The following PCDH15 variants were observed in gnomAD, a reference collection of about 807,000 sequenced individuals.
The protein encoded by PCDH15 is protocadherin related 15.
In PCDH15, 129 loss-of-function variants were observed where a neutral mutation model predicts 178.5. The ratio of observed to expected loss-of-function variants is 0.72; its 90% CI spans 0.63 to 0.84. The LOEUF (loss-of-function observed/expected upper bound fraction) is 0.84, where lower values mean the gene tolerates loss of function less well. Ranked by LOEUF, PCDH15 falls within the 40% of genes least tolerant of loss-of-function variation. The pLI, the probability that PCDH15 is intolerant of heterozygous loss-of-function variation, is 0.00. For missense variants in PCDH15, 2,230 were observed against 2,099.9 expected (o/e 1.06, Z -1.21); for synonymous variants, 800 against 732.0 (o/e 1.09, Z -1.50).
intron 1 of PCDH15, among the ~76,000 whole-genome samples, chr10:55,315,414 T>A (rs975833961): frequency 2.6e-5 from 4 of 152,196 alleles, no homozygotes; most frequent in Non-Finnish European, 5.9e-5. Flanking sequence ...CAAAACCTTA[T>A]TGAAAAATAT....
At chr10:55,617,304 TA>T (rs1313579019) in intron 2 of PCDH15, among the ~76,000 whole-genome samples, 1 of 152,036 alleles carries the variant, frequency 6.6e-6, no homozygotes, top group Non-Finnish European at 1.5e-5. Context: ...GGTTAAGACT[TA>T]ACACTACAGA....
intron 2 of PCDH15, among the ~76,000 whole-genome samples, chr10:55,604,955 G>C (rs1029347925): frequency 4.0e-5 from 6 of 151,640 alleles, no homozygotes; most frequent in African/African-American, 1.2e-4. Context: ...ATGAATCCAG[G>C]AGCTGGTTTT....
intron 1 of PCDH15, among the ~76,000 whole-genome samples, chr10:54,734,404 C>G (rs1943807594): frequency 6.6e-6 from 1 of 151,862 alleles, no homozygotes; most frequent in South Asian, 2.1e-4. Context: ...CCTTGTTACA[C>G]TAAATACCAG....
chr10:54,275,485 T>C (rs1442576264), intron 8 of PCDH15, among the ~76,000 whole-genome samples: 4 of 151,866 alleles, frequency 2.6e-5, no homozygotes. Context: ...GATATGCCAA[T>C]TCTCTGGACT....
At chr10:53,870,061 C>T (rs960956722) in intron 26 of PCDH15, among the ~76,000 whole-genome samples, 1 of 152,130 alleles carries the variant, frequency 6.6e-6, no homozygotes, top group African/African-American at 2.4e-5. Context: ...ATAAAATCAC[C>T]ACAGTGATTG....
intron 2 of PCDH15, among the ~76,000 whole-genome samples, chr10:55,400,864 A>G (rs1412941805): frequency 6.6e-6 from 1 of 152,054 alleles, no homozygotes; most frequent in Non-Finnish European, 1.5e-5. Context: ...CATGTGCACT[A>G]TGATTTCTTC....
intron 1 of PCDH15, among the ~76,000 whole-genome samples, chr10:54,793,125 A>G (rs1434582050): frequency 2.0e-5 from 3 of 151,830 alleles, no homozygotes; most frequent in Admixed American, 6.6e-5. Flanking sequence ...GGCTCAGGGG[A>G]ACTGAACCTT....
chr10:55,585,325 C>T (rs1286052632), intron 2 of PCDH15, among the ~76,000 whole-genome samples: 1 of 152,098 alleles, frequency 6.6e-6, no homozygotes, highest in Non-Finnish European at 1.5e-5. Flanking sequence ...AGATTCAGAA[C>T]ACTATAAACA....
At chr10:53,880,007 T>C (rs1177203074) in intron 26 of PCDH15, among the ~76,000 whole-genome samples, 1 of 152,216 alleles carries the variant, frequency 6.6e-6, no homozygotes, top group East Asian at 1.9e-4. Flanking sequence ...TAAATCCTGT[T>C]TGTAATTTCT....
chr10:53,949,238 C>T (rs1564839210), intron 23 of PCDH15, among the ~76,000 whole-genome samples: 1 of 152,124 alleles, frequency 6.6e-6, no homozygotes, highest in African/African-American at 2.4e-5. Context: ...ATGGGCGAAA[C>T]CTATTATGTT....
intron 13 of PCDH15, among the ~76,000 whole-genome samples, chr10:54,159,178 G>A (rs2045464510): frequency 6.6e-6 from 1 of 150,694 alleles, no homozygotes; most frequent in African/African-American, 2.4e-5. Context: ...TGATGTTTTT[G>A]CCTCTTGGGC....
At chr10:54,543,755 A>G (rs2133034110) in intron 2 of PCDH15, among the ~76,000 whole-genome samples, 1 of 152,212 alleles carries the variant, frequency 6.6e-6, no homozygotes, top group South Asian at 2.1e-4. Flanking sequence ...GGCTGTTGAA[A>G]CTGCCTATTC....
chr10:55,499,671 C>A (rs574399540), intron 2 of PCDH15, among the ~76,000 whole-genome samples: 1 of 151,290 alleles, frequency 6.6e-6, no homozygotes, highest in Non-Finnish European at 1.5e-5. Context: ...GGAAAGTAGC[C>A]TAAAAAAAAT....
chr10:54,406,073 T>G (rs2135548575), intron 3 of PCDH15, among the ~76,000 whole-genome samples: 1 of 152,202 alleles, frequency 6.6e-6, no homozygotes, highest in Admixed American at 6.6e-5. Context: ...TCCAAACAGT[T>G]ATTGTATGGA....
chr10:54,814,197 A>G (rs761973074), intron 3 of PCDH15, among the ~76,000 whole-genome samples: 13 of 152,178 alleles, frequency 8.5e-5, no homozygotes, highest in South Asian at 2.1e-4. Flanking sequence ...TTGTTTTACA[A>G]TGTTGATCTT....
chr10:55,286,794 A>T (rs916081595), intron 1 of PCDH15, among the ~76,000 whole-genome samples: 3 of 151,984 alleles, frequency 2.0e-5, no homozygotes, highest in Admixed American at 1.3e-4. Context: ...TCCAGTACTC[A>T]TGATGAAGGA....
chr10:54,662,960 A>G (rs1361728970), intron 2 of PCDH15, among the ~76,000 whole-genome samples: 2 of 152,000 alleles, frequency 1.3e-5, no homozygotes, highest in African/African-American at 4.8e-5. Context: ...CACAATCTCC[A>G]TAAATATCAA....
intron 1 of PCDH15, among the ~76,000 whole-genome samples, chr10:55,287,148 G>C (rs139295623): frequency 1.4e-4 from 22 of 152,014 alleles, no homozygotes; most frequent in Non-Finnish European, 2.1e-4. Flanking sequence ...AGTTGCCTCA[G>C]CACAAAGTAA....
chr10:54,083,930 T>A (rs1280291826), intron 16 of PCDH15, among the ~76,000 whole-genome samples: 1 of 152,086 alleles, frequency 6.6e-6, no homozygotes, highest in African/African-American at 2.4e-5. Context: ...TGTTCAAACA[T>A]AATTTAAAAA....
Sources: gnomAD v4.1 joint callset for allele counts (sites outside exome capture counted in the v4.1 genomes callset) on GRCh38, gnomAD v4.1.1 for gene constraint, MANE v1.5 for transcripts, NCBI Gene and HGNC (gene_info 2026-07-23, HGNC 2026-07-21) for gene names.